TRMT44: variants seen among roughly 807,000 people sequenced by gnomAD.
TRMT44 encodes tRNA methyltransferase 44 homolog.
In TRMT44, 78 loss-of-function variants were observed where a neutral mutation model predicts 77.3. The observed-to-expected ratio is 1.01, with a 90% confidence interval of 0.84 to 1.22. The LOEUF is 1.22. Among genes scored for constraint, TRMT44 ranks in the 50% most tolerant of loss-of-function variants. The pLI, the probability that TRMT44 is intolerant of heterozygous loss-of-function variation, is 0.00. For missense variants in TRMT44, 1,090 were observed against 964.4 expected (o/e 1.13, Z -1.73); for synonymous variants, 391 against 383.3 (o/e 1.02, Z -0.23).
rs1040328484 is a variant in TRMT44 at position 8,446,829 on chromosome 4, GTGA to G, written c.734+244_734+246del. ...TCTGATCTCTACCTTCCCTGTGGCT[GTGA>G]TGATCAGCAGCCCTTAGCATTAGCT... On this transcript the variant is annotated intron_variant, in intron 2 of 10. Transcript: ENST00000389737. This position sits in a 1 kb window ranked among gnomAD's most constrained non-coding sequence, Gnocchi z 4.3. Among the ~76,000 whole-genome samples, 1 of 152,204 alleles carries G rather than the reference GTGA, an allele frequency of 6.6e-6. No homozygotes were observed. The highest frequency in any genetic ancestry group is 2.4e-5 in the African/African-American group (1 of 41,462).
downstream of TRMT44, among the ~76,000 whole-genome samples, chr4:8,480,817 A>G (rs571918110): frequency 2.6e-5 from 4 of 152,312 alleles, no homozygotes; most frequent in African/African-American, 9.6e-5. Flanking sequence ...ATTTAACCCT[A>G]TATATTATGA....
intron 1 of TRMT44, 87 bp downstream of exon 1, chr4:8,441,528 T>C (rs1027222765): frequency 4.3e-5 from 60 of 1,398,422 alleles, no homozygotes; most frequent in Middle Eastern, 1.8e-4. Context: ...CTAAGGGTAC[T>C]AGTTCCTCTG....
the TRMT44 span, chr4:8,506,856 G>C: frequency 6.6e-6 from 1 of 152,500 alleles, no homozygotes; most frequent in African/African-American, 2.4e-5. Flanking sequence ...GGTGAGCTGG[G>C]CTGGCTGGGC....
At chr4:8,487,008 G>A (rs969932320) in intron 2 of TRMT44, among the ~76,000 whole-genome samples, 1 of 152,160 alleles carries the variant, frequency 6.6e-6, no homozygotes, top group African/African-American at 2.4e-5. Context: ...AGGGAAAGAA[G>A]GAAGGTTTGG....
chr4:8,505,010 G>A, the TRMT44 span, among the ~76,000 whole-genome samples: 3 of 152,082 alleles, frequency 2.0e-5, no homozygotes, highest in South Asian at 2.1e-4. Flanking sequence ...GCCCCCAGCC[G>A]CAGAGGAATG....
chr4:8,492,757 A>C (rs1728046158), intron 2 of TRMT44, among the ~76,000 whole-genome samples: 1 of 152,332 alleles, frequency 6.6e-6, no homozygotes. Flanking sequence ...TCCTTTGGAA[A>C]GGCCAATCAG....
Position 8,476,327 on chromosome 4 carries a change from C to A in TRMT44, c.*326C>A. ...AGCGGCTGAGGCTGCCTTGCACAGG[C>A]CCTTCCCAGGGCGCTGTCCGACGCC... is the stretch of plus-strand genomic sequence containing the variant. On this transcript the variant is annotated 3_prime_UTR_variant, in exon 11 of 11. Transcript: ENST00000389737. 1 of 365,570 alleles carries A rather than the reference C, an allele frequency of 2.7e-6. No individual in the cohort carries two copies. Among genetic ancestry groups the A allele is most frequent in the South Asian group, 3.2e-5 (1 of 31,370 alleles). The allele number at this position is 365,570 out of a possible 1,614,324, so 22.6% of individuals were successfully genotyped here.
chr4:8,445,923 C>G (rs1725028246), intron 1 of TRMT44, among the ~76,000 whole-genome samples: 1 of 152,138 alleles, frequency 6.6e-6, no homozygotes, highest in Admixed American at 6.5e-5. Context: ...TCCACACAAA[C>G]TGACAGAATG....
intron 1 of TRMT44, among the ~76,000 whole-genome samples, chr4:8,441,675 C>T (rs934354268): frequency 1.3e-5 from 2 of 152,150 alleles, no homozygotes; most frequent in Admixed American, 6.5e-5. Context: ...GAAGGACTAG[C>T]TGGATATTGC....
chr4:8,464,409 G>A (rs899433313), intron 7 of TRMT44, among the ~76,000 whole-genome samples: 1 of 152,172 alleles, frequency 6.6e-6, no homozygotes, highest in African/African-American at 2.4e-5. Context: ...GTCAAAAGAG[G>A]TGTCCTTTTT....
downstream of TRMT44, among the ~76,000 whole-genome samples, chr4:8,496,458 C>G (rs1354684416): frequency 6.6e-6 from 1 of 152,194 alleles, no homozygotes; most frequent in East Asian, 1.9e-4. Flanking sequence ...AAATGGAAGG[C>G]AGGAGTGTGT....
At chr4:8,491,567 C>T (rs959160510) in intron 2 of TRMT44, among the ~76,000 whole-genome samples, 3 of 152,228 alleles carry the variant, frequency 2.0e-5, no homozygotes, top group African/African-American at 7.2e-5. Context: ...GGAAAGGCAG[C>T]TAAGGCCTGG....
chr4:8,463,543 G>T (rs1484605516), intron 6 of TRMT44, among the ~76,000 whole-genome samples: 1 of 152,202 alleles, frequency 6.6e-6, no homozygotes. Flanking sequence ...TGAAAGGCCT[G>T]TGAGGTTAGA....
rs149703414 is a variant in TRMT44 at position 8,486,268 on chromosome 4, G to A, written n.3891+6735G>A. Reference sequence around the variant, plus strand: ...CAAGCTCCTGGGGAAGGTGGTTCTGGAGGAACGCCTGGCCACTGCGGTTTA... The same window carrying A: ...CAAGCTCCTGGGGAAGGTGGTTCTGAAGGAACGCCTGGCCACTGCGGTTTA... On this transcript the variant is annotated intron_variant and non_coding_transcript_variant, in intron 2 of 2. Transcript: ENST00000511366. Among the ~76,000 whole-genome samples the A allele has an allele frequency of 1.8e-3, 277 of 152,338 alleles. 2 individuals are homozygous for A. Among genetic ancestry groups the A allele is most frequent in the African/African-American group, 6.5e-3 (269 of 41,574 alleles).
At chr4:8,495,689 C>T (rs1030195866), downstream of TRMT44, among the ~76,000 whole-genome samples, 11 of 152,152 alleles carry the variant, frequency 7.2e-5, no homozygotes, top group South Asian at 2.1e-4. Context: ...CGTGTCTCAG[C>T]GCACACCCTG....
intron 5 of TRMT44, among the ~76,000 whole-genome samples, chr4:8,453,212 G>A (rs1477747065): frequency 6.6e-6 from 1 of 152,178 alleles, no homozygotes. Flanking sequence ...GAAGTCCCCG[G>A]GCCCCGGCAT....
At chr4:8,449,175 G>C (rs1725265119) in intron 2 of TRMT44, among the ~76,000 whole-genome samples, 2 of 152,208 alleles carry the variant, frequency 1.3e-5, no homozygotes, top group Admixed American at 1.3e-4. Flanking sequence ...GCCCCCCACT[G>C]TCATGAACCT....
At chr4:8,442,484 C>T (rs780533591) in intron 1 of TRMT44, among the ~76,000 whole-genome samples, 5 of 152,208 alleles carry the variant, frequency 3.3e-5, no homozygotes, top group Non-Finnish European at 7.3e-5. Context: ...TAACAAATTA[C>T]TGCAAATTCA....
chr4:8,495,102 T>A (rs1728113796), downstream of TRMT44, among the ~76,000 whole-genome samples: 1 of 152,200 alleles, frequency 6.6e-6, no homozygotes, highest in African/African-American at 2.4e-5. Flanking sequence ...ATGAGAGTCC[T>A]CAGTCAGGGG....
Sources: allele counts gnomAD v4.1 joint callset (sites outside exome capture counted in the v4.1 genomes callset), GRCh38; gene constraint gnomAD v4.1.1; non-coding constraint Gnocchi (gnomAD v3.1); transcripts MANE v1.5; gene names NCBI Gene and HGNC (gene_info 2026-07-23, HGNC 2026-07-21).